The following PLEKHG4B variants were observed in gnomAD, a reference collection of about 807,000 sequenced individuals.
The protein encoded by PLEKHG4B is pleckstrin homology and RhoGEF domain containing G4B.
Under a neutral mutation model 121.3 loss-of-function variants are expected in PLEKHG4B, and 111 were observed. That is an observed-to-expected ratio of 0.92 (90% CI 0.78 to 1.07). PLEKHG4B has a LOEUF of 1.07. PLEKHG4B is among the 50% of genes least tolerant of loss of function. The pLI, the probability that PLEKHG4B is intolerant of heterozygous loss-of-function variation, is 0.00. For missense variants in PLEKHG4B, 1,831 were observed against 1,757.8 expected (o/e 1.04, Z -0.74); for synonymous variants, 738 against 725.0 (o/e 1.02, Z -0.29).
chr5:110,539 AAC>A (rs1406491921), intron 1 of PLEKHG4B, among the ~76,000 whole-genome samples: 33 of 144,870 alleles, frequency 2.3e-4, no homozygotes, highest in Admixed American at 6.2e-4. Context: ...CACAATCTGC[AAC>A]ACACGTGCAC....
At chr5:111,863 G>A (rs965368209) in intron 1 of PLEKHG4B, among the ~76,000 whole-genome samples, 2 of 152,114 alleles carry the variant, frequency 1.3e-5, no homozygotes, top group Non-Finnish European at 2.9e-5. Context: ...CGATGTGGGT[G>A]ATTCTGTCCC....
rs1308342962 is a variant in PLEKHG4B at position 157,317 on chromosome 5, G to A, written c.2487+406G>A. 6.6e-6 allele frequency among the ~76,000 whole-genome samples: 1 copy of A among 151,956 alleles called. No homozygotes were observed. The highest frequency in any genetic ancestry group is 1.5e-5 in the Non-Finnish European group (1 of 67,992). On this transcript the variant is annotated intron_variant, in intron 11 of 19. Transcript: ENST00000637938. This position sits in a 1 kb window ranked among gnomAD's most constrained non-coding sequence, Gnocchi z 4.6. ...GGGCCAAGGTTGAGGACGGCAGCCTGGGAAACACCTCCAGATGACCTCAAG... is the reference window on the plus strand; with the variant it reads ...GGGCCAAGGTTGAGGACGGCAGCCTAGGAAACACCTCCAGATGACCTCAAG...
chr5:104,485 G>A (rs1579236432), intron 1 of PLEKHG4B, among the ~76,000 whole-genome samples: 1 of 152,166 alleles, frequency 6.6e-6, no homozygotes, highest in African/African-American at 2.4e-5. Context: ...TTATAAAGGG[G>A]TATAAATGTT....
chr5:172,084 G>C (rs1736574046), intron 16 of PLEKHG4B, among the ~76,000 whole-genome samples: 1 of 152,262 alleles, frequency 6.6e-6, no homozygotes, highest in South Asian at 2.1e-4. Context: ...CAATGGCAGA[G>C]CAGGGCCGTG....
chr5:142,303 G>A (rs918347033), intron 3 of PLEKHG4B, among the ~76,000 whole-genome samples: 1 of 152,072 alleles, frequency 6.6e-6, no homozygotes, highest in Non-Finnish European at 1.5e-5. Context: ...ACCCCTCGCA[G>A]TCACACACAC....
Position 163,409 on chromosome 5 carries a change from G to A in PLEKHG4B, c.3337G>A (p.Val1113Ile), listed in dbSNP as rs769886579. The change falls in exon 13 of 20, where the codon GTA (valine) becomes ATA (isoleucine). Residue 1113 changes from valine to isoleucine, a missense_variant. By Grantham distance (29) the Val-to-Ile change is conservative. Coordinates refer to ENST00000637938, the MANE Select transcript of PLEKHG4B (RefSeq NM_052909.5). ...TAGTGTCTTCAGCAAGGGCCTGGAG[G>A]TAACCAGCACTGTAGCCACAGAGAA... ...HTSVFSKGLE[V>I]TSTVATEKKL... 7 of 1,613,044 alleles carry A rather than the reference G, an allele frequency of 4.3e-6. No homozygotes were observed. In the South Asian group the frequency reaches 7.7e-5, roughly 18 times the overall value.
At chr5:114,345 G>A (rs528236577) in intron 2 of PLEKHG4B, among the ~76,000 whole-genome samples, 20 of 152,284 alleles carry the variant, frequency 1.3e-4, no homozygotes, top group Admixed American at 5.2e-4. Context: ...AATTGGAGTC[G>A]ATCCTCTCAC....
At chr5:112,805 C>T (rs1734195180) in intron 1 of PLEKHG4B, among the ~76,000 whole-genome samples, 1 of 152,190 alleles carries the variant, frequency 6.6e-6, no homozygotes, top group Non-Finnish European at 1.5e-5. Context: ...AAGTGGTTGT[C>T]CCCTCCTCCC....
At chr5:141,656 A>G (rs1432005833) in intron 3 of PLEKHG4B, among the ~76,000 whole-genome samples, 1 of 151,900 alleles carries the variant, frequency 6.6e-6, no homozygotes, top group East Asian at 1.9e-4. Flanking sequence ...TTAAAAGACT[A>G]AGTTTGCAGG....
At position 189,684 on chromosome 5, in the gene PLEKHG4B, T is replaced by C. The variant is rs3810865; in HGVS notation, c.*7361T>C. On this transcript the variant is annotated 3_prime_UTR_variant, in exon 20 of 20. Coordinates refer to ENST00000637938, the MANE Select transcript of PLEKHG4B (RefSeq NM_052909.5). ...GAACCCCAAGAGGACCACCCCTCTC[T>C]AAAAGAAGGGAAAACAGTAAGCGAG... is the stretch of plus-strand genomic sequence containing the variant. The C allele has an allele frequency of 0.66, 101,011 of 152,014 alleles. 34,185 individuals carry two copies. The highest frequency in any genetic ancestry group is 0.71 in the African/African-American group (29,285 of 41,414). The allele number at this position is 152,014 out of a possible 1,614,324, so 9.4% of individuals were successfully genotyped here.
chr5:175,300 G>A (rs1736723219), intron 18 of PLEKHG4B, among the ~76,000 whole-genome samples: 1 of 151,878 alleles, frequency 6.6e-6, no homozygotes, highest in African/African-American at 2.4e-5. Flanking sequence ...CTCCCTCAAT[G>A]TCCACCCTCG....
At chr5:110,218 A>AAC (rs1450943356) in intron 1 of PLEKHG4B, among the ~76,000 whole-genome samples, 1 of 147,726 alleles carries the variant, frequency 6.8e-6, no homozygotes, top group Non-Finnish European at 1.5e-5. Flanking sequence ...TACAATCTGC[A>AAC]ACACATGCAC....
chr5:147,869 C>T (rs1735469717), intron 6 of PLEKHG4B, among the ~76,000 whole-genome samples: 1 of 152,102 alleles, frequency 6.6e-6, no homozygotes, highest in African/African-American at 2.4e-5. Flanking sequence ...AATTCAGTAG[C>T]AGGCTGAAAG....
intron 16 of PLEKHG4B, among the ~76,000 whole-genome samples, chr5:172,354 G>A (rs909033006): frequency 3.3e-5 from 5 of 152,344 alleles, no homozygotes; most frequent in Middle Eastern, 3.4e-3. Flanking sequence ...TGGGCACGGC[G>A]GCTCCATCTC....
chr5:143,787 G>A (rs979939347), intron 5 of PLEKHG4B, among the ~76,000 whole-genome samples: 7 of 152,224 alleles, frequency 4.6e-5, no homozygotes, highest in Non-Finnish European at 1.5e-5. Flanking sequence ...TCAGCCATCC[G>A]TGTGATGTGC....
chr5:104,248 C>G (rs892894330), intron 1 of PLEKHG4B, among the ~76,000 whole-genome samples: 1 of 151,354 alleles, frequency 6.6e-6, no homozygotes, highest in East Asian at 2.0e-4. Context: ...GTCCCAGCAC[C>G]GATTCCTAAA....
intron 18 of PLEKHG4B, among the ~76,000 whole-genome samples, chr5:175,378 G>A (rs945514547): frequency 2.0e-4 from 31 of 152,022 alleles, no homozygotes; most frequent in African/African-American, 7.3e-4. Context: ...CCTGGCGGCT[G>A]CGAACACCAC....
At position 159,961 on chromosome 5, in the gene PLEKHG4B, G is replaced by A. The variant is rs184934699; in HGVS notation, c.2488-1822G>A. On this transcript the variant is annotated intron_variant, in intron 11 of 19. Transcript: ENST00000637938. The surrounding 1 kb of genome is among the most constrained non-coding windows in gnomAD (Gnocchi z 5.5). ...CTCTGCCCACCGTGCTGAGTGTTACGCCTTGGAAGATGCTTGCAGGGCTTT... is the reference window on the plus strand; with the variant it reads ...CTCTGCCCACCGTGCTGAGTGTTACACCTTGGAAGATGCTTGCAGGGCTTT... 5.3e-5 allele frequency among the ~76,000 whole-genome samples: 8 copies of A among 152,258 alleles called. No individual in the cohort carries two copies. The highest frequency in any genetic ancestry group is 1.3e-4 in the Admixed American group (2 of 15,304).
At chr5:166,846 C>T (rs1422307098) in intron 13 of PLEKHG4B, among the ~76,000 whole-genome samples, 1 of 152,208 alleles carries the variant, frequency 6.6e-6, no homozygotes, top group East Asian at 1.9e-4. Context: ...TTGTTAAAGG[C>T]AAAGCTCCAA....
Sources: gnomAD v4.1 joint callset for allele counts (sites outside exome capture counted in the v4.1 genomes callset) on GRCh38, gnomAD v4.1.1 for gene constraint, Gnocchi (gnomAD v3.1) non-coding constraint, MANE v1.5 for transcripts, NCBI Gene and HGNC (gene_info 2026-07-23, HGNC 2026-07-21) for gene names.